YEATS4: variants seen among roughly 807,000 people sequenced by gnomAD.
The protein encoded by YEATS4 is YEATS domain containing 4.
Under a neutral mutation model 30.1 loss-of-function variants are expected in YEATS4, and 17 were observed. The observed-to-expected ratio is 0.56, with a 90% CI of 0.39 to 0.85. The LOEUF is 0.85. Ranked by LOEUF, YEATS4 falls within the 40% of genes least tolerant of loss-of-function variation. The probability of loss-of-function intolerance (pLI) is 0.00; values close to 1 mark genes in which losing one functional copy is unlikely to be tolerated. For missense variants in YEATS4, 142 were observed against 268.3 expected (o/e 0.53, Z 3.29); for synonymous variants, 85 against 87.5 (o/e 0.97, Z 0.16).
Position 69,375,871 on chromosome 12 carries a change from C to T in YEATS4, c.514+4896C>T, listed in dbSNP as rs530633224. Among the ~76,000 whole-genome samples, 5 of 151,014 alleles carry T rather than the reference C, an allele frequency of 3.3e-5. No individual in the cohort carries two copies. In the South Asian group the frequency reaches 8.4e-4, roughly 25 times the overall value. ...GCGGCAGTACAGTCCAGCCTGGGCT[C>T]GGCATCAGAGGGAGACCGCGCAGAG... On this transcript the variant is annotated intron_variant, in intron 6 of 6. Coordinates refer to ENST00000247843, the MANE Select transcript of YEATS4 (RefSeq NM_006530.4).
At chr12:69,370,842 G>A (rs773382845) in intron 5 of YEATS4, 44 bp downstream of exon 5, 14 of 1,597,994 alleles carry the variant, frequency 8.8e-6, no homozygotes, top group Non-Finnish European at 1.2e-5. Context: ...ATTTGAAGTT[G>A]GAGAACTTTG....
At chr12:69,402,276 ACATAGCT>A in the YEATS4 span, among the ~76,000 whole-genome samples, 3 of 152,160 alleles carry the variant, frequency 2.0e-5, no homozygotes, top group African/African-American at 7.2e-5. Flanking sequence ...ACAAATAAAT[ACATAGCT>A]CACTACATGT....
chr12:69,398,373 C>T, the YEATS4 span, among the ~76,000 whole-genome samples: 38 of 151,584 alleles, frequency 2.5e-4, no homozygotes, highest in Admixed American at 2.2e-3. Context: ...GCAGGATGAA[C>T]GATTATATAC....
chr12:69,374,217 G>A lies in YEATS4; in HGVS notation c.514+3242G>A, dbSNP rs550756979. 1.4e-4 allele frequency among the ~76,000 whole-genome samples: 22 copies of A among 151,922 alleles called. No individual in the cohort carries two copies. The South Asian group carries it at 4.2e-3, about 29-fold the overall frequency. On this transcript the variant is annotated intron_variant, in intron 6 of 6. Coordinates refer to ENST00000247843, the MANE Select transcript of YEATS4 (RefSeq NM_006530.4). Reference sequence around the variant, plus strand: ...TGCAGTGAATCTGTAGATTGCTTTGGGAAGTATGGGCATTTTAACAATATT... The same window carrying A: ...TGCAGTGAATCTGTAGATTGCTTTGAGAAGTATGGGCATTTTAACAATATT...
chr12:69,421,708 T>C, the YEATS4 span, among the ~76,000 whole-genome samples: 120 of 152,182 alleles, frequency 7.9e-4, 2 homozygotes, highest in Admixed American at 3.9e-3. Flanking sequence ...ATTCAAATGC[T>C]TACAAGAAGG....
chr12:69,388,703 A>G (rs1385998871), intron 6 of YEATS4, among the ~76,000 whole-genome samples: 3 of 152,242 alleles, frequency 2.0e-5, no homozygotes, highest in African/African-American at 7.2e-5. Context: ...AGATAGTTTC[A>G]GATATCACTT....
intron 2 of YEATS4, among the ~76,000 whole-genome samples, chr12:69,363,643 A>C (rs950246281): frequency 6.6e-6 from 1 of 152,236 alleles, no homozygotes. Context: ...CTGAATCTTC[A>C]ATGCCTGGAA....
the YEATS4 span, among the ~76,000 whole-genome samples, chr12:69,411,683 C>A: frequency 6.6e-6 from 1 of 152,054 alleles, no homozygotes; most frequent in African/African-American, 2.4e-5. Context: ...TCCATGCAGG[C>A]CTTATTGAGA....
chr12:69,362,371 A>G (rs1875256951), intron 1 of YEATS4, among the ~76,000 whole-genome samples: 1 of 152,000 alleles, frequency 6.6e-6, no homozygotes, highest in African/African-American at 2.4e-5. Context: ...CCTTTATTCT[A>G]CCTCTCACAA....
chr12:69,391,537 T>C (rs540881981), downstream of YEATS4, among the ~76,000 whole-genome samples: 6 of 152,342 alleles, frequency 3.9e-5, no homozygotes, highest in East Asian at 1.2e-3. Flanking sequence ...CTGTCTGCCC[T>C]GATGGATTGG....
chr12:69,417,838 T>A, the YEATS4 span, among the ~76,000 whole-genome samples: 1 of 142,754 alleles, frequency 7.0e-6, no homozygotes, highest in African/African-American at 2.6e-5. Flanking sequence ...ATGCTTGGCT[T>A]AATATTCTTA....
intron 6 of YEATS4, among the ~76,000 whole-genome samples, chr12:69,377,467 AC>A (rs1215210259): frequency 2.0e-5 from 3 of 151,476 alleles, no homozygotes; most frequent in Non-Finnish European, 4.4e-5. Context: ...CGCTGTGTTT[AC>A]CAGGCTGGTC....
At chr12:69,396,487 A>G in the YEATS4 span, among the ~76,000 whole-genome samples, 3 of 152,196 alleles carry the variant, frequency 2.0e-5, no homozygotes, top group Non-Finnish European at 2.9e-5. Flanking sequence ...AGAAAGAAGA[A>G]ATCTGTAAGC....
chr12:69,400,361 A>T, the YEATS4 span, among the ~76,000 whole-genome samples: 1 of 152,166 alleles, frequency 6.6e-6, no homozygotes, highest in Non-Finnish European at 1.5e-5. Flanking sequence ...TTTCCATTAC[A>T]TATCTAATAA....
At chr12:69,400,429 G>A in the YEATS4 span, among the ~76,000 whole-genome samples, 52 of 150,394 alleles carry the variant, frequency 3.5e-4, no homozygotes, top group East Asian at 9.8e-3. Context: ...TAATATGTAT[G>A]CCATATATAT....
At chr12:69,422,318 C>T in the YEATS4 span, among the ~76,000 whole-genome samples, 2 of 152,102 alleles carry the variant, frequency 1.3e-5, no homozygotes, top group South Asian at 2.1e-4. Context: ...CAGGTCCTCA[C>T]TTCCAAGATG....
chr12:69,362,934 T>G (rs1243816722), intron 2 of YEATS4, 27 bp downstream of exon 2: 3 of 1,533,424 alleles, frequency 2.0e-6, no homozygotes, highest in Non-Finnish European at 2.6e-6. Flanking sequence ...TCTGTAACTG[T>G]TTTACTTAAA....
At chr12:69,397,517 T>G in the YEATS4 span, among the ~76,000 whole-genome samples, 3 of 152,172 alleles carry the variant, frequency 2.0e-5, no homozygotes, top group African/African-American at 7.2e-5. Context: ...CTGATGGTTT[T>G]ATAAAGGGTA....
At chr12:69,362,711 A>G in intron 1 of YEATS4, 77 bp from the exon 2 acceptor site, 6 of 1,137,840 alleles carry the variant, frequency 5.3e-6, no homozygotes, top group Non-Finnish European at 5.9e-6. Context: ...TCTTTAAAGC[A>G]AGTTTTCAGA....
Sources: allele counts gnomAD v4.1 joint callset (sites outside exome capture counted in the v4.1 genomes callset), GRCh38; gene constraint gnomAD v4.1.1; transcripts MANE v1.5; gene names NCBI Gene and HGNC (gene_info 2026-07-23, HGNC 2026-07-21).